Variants in EXOC6B observed in about 807,000 individuals in gnomAD.
EXOC6B encodes SEC15 homolog B.
A neutral mutation model predicts 113.5 loss-of-function variants in EXOC6B; 54 were observed. That is an observed-to-expected ratio of 0.48 (90% CI 0.38 to 0.60). The LOEUF is 0.60. EXOC6B is among the 20% of genes least tolerant of loss of function. The pLI is 0.00. For synonymous variants in EXOC6B, 357 were observed against 339.0 expected (o/e 1.05, Z -0.58); for missense variants, 797 against 977.5 (o/e 0.82, Z 2.46).
chr2:72,597,062 T>C lies in EXOC6B; in HGVS notation c.670-21394A>G, dbSNP rs182229865. Among the ~76,000 whole-genome samples, 28 of 150,082 alleles carry C rather than the reference T, an allele frequency of 1.9e-4. 1 individual carries two copies. Among genetic ancestry groups the C allele is most frequent in the African/African-American group, 6.8e-4 (28 of 41,214 alleles). ...TCCCAAAAAGAAACCCTATATCCAATACCCTTAAGGTTTCTTTCTGGGATA... is the reference window on the plus strand; with the variant it reads ...TCCCAAAAAGAAACCCTATATCCAACACCCTTAAGGTTTCTTTCTGGGATA... On this transcript the variant is annotated intron_variant, in intron 6 of 21. Transcript: ENST00000272427.
At chr2:72,788,774 G>A (rs925982464) in intron 1 of EXOC6B, among the ~76,000 whole-genome samples, 31 of 152,196 alleles carry the variant, frequency 2.0e-4, no homozygotes, top group African/African-American at 7.0e-4. Context: ...ACTCCAGCCT[G>A]GGCAACAGAG....
At chr2:72,424,216 C>T (rs1490297731) in intron 18 of EXOC6B, among the ~76,000 whole-genome samples, 2 of 151,884 alleles carry the variant, frequency 1.3e-5, no homozygotes, top group African/African-American at 4.8e-5. Context: ...TGAAGCCATC[C>T]AGAAGATGTA....
intron 19 of EXOC6B, among the ~76,000 whole-genome samples, chr2:72,345,426 C>A (rs183285326): frequency 1.6e-4 from 25 of 152,142 alleles, no homozygotes; most frequent in Admixed American, 1.4e-3. Context: ...TGGAAGCAAC[C>A]AAGATGTCCT....
chr2:72,229,219 T>C (rs55970539), intron 20 of EXOC6B, among the ~76,000 whole-genome samples: 18,148 of 152,040 alleles, frequency 0.12, 1,347 homozygotes, highest in Admixed American at 0.16. Flanking sequence ...AAGAGAAAAA[T>C]GGTAAAGCAG....
intron 6 of EXOC6B, among the ~76,000 whole-genome samples, chr2:72,676,925 G>A (rs910517667): frequency 1.3e-5 from 2 of 152,098 alleles, no homozygotes; most frequent in African/African-American, 2.4e-5. Flanking sequence ...AAACAAGAAA[G>A]GAATTCTACC....
chr2:72,751,434 T>A (rs750846599), intron 1 of EXOC6B, among the ~76,000 whole-genome samples: 1 of 152,118 alleles, frequency 6.6e-6, no homozygotes, highest in South Asian at 2.1e-4. Flanking sequence ...GGTTTTATCA[T>A]GCAGATGAAG....
chr2:72,406,423 C>T (rs911215454), intron 18 of EXOC6B, among the ~76,000 whole-genome samples: 4 of 152,122 alleles, frequency 2.6e-5, no homozygotes, highest in African/African-American at 4.8e-5. Context: ...CCACACCACA[C>T]CTATTCCAAA....
At chr2:72,257,363 C>T (rs1490695915) in intron 20 of EXOC6B, among the ~76,000 whole-genome samples, 4 of 152,174 alleles carry the variant, frequency 2.6e-5, no homozygotes, top group Non-Finnish European at 4.4e-5. Flanking sequence ...CTCAGATTAA[C>T]CTTTTTCTTC....
intron 6 of EXOC6B, among the ~76,000 whole-genome samples, chr2:72,676,689 T>A (rs1219884805): frequency 3.3e-5 from 5 of 152,170 alleles, no homozygotes; most frequent in Non-Finnish European, 7.3e-5. Flanking sequence ...ATTTGAAATC[T>A]TCAATAAGAT....
chr2:72,508,259 CAAAAATACATATCTTCTTTGGTG>C (rs1700715832), intron 11 of EXOC6B, among the ~76,000 whole-genome samples: 1 of 134,974 alleles, frequency 7.4e-6, no homozygotes, highest in South Asian at 2.3e-4. Context: ...AAATAAGTAA[CAAAAATACATATCTTCTTTGGTG>C]AAAAATACCA....
chr2:72,571,259 A>T (rs1320827520), intron 7 of EXOC6B, among the ~76,000 whole-genome samples: 1 of 152,206 alleles, frequency 6.6e-6, no homozygotes, highest in African/African-American at 2.4e-5. Context: ...ATTAAAAATC[A>T]ATTGAATTGG....
intron 19 of EXOC6B, among the ~76,000 whole-genome samples, chr2:72,344,219 T>C (rs1689185871): frequency 6.6e-6 from 1 of 152,204 alleles, no homozygotes. Context: ...TTTGAATCCA[T>C]TTAGTCCAAT....
At chr2:72,720,585 C>A (rs568879274) in intron 5 of EXOC6B, among the ~76,000 whole-genome samples, 1 of 151,744 alleles carries the variant, frequency 6.6e-6, no homozygotes. Context: ...TCATCTCTAC[C>A]AAAAAAATTA....
In EXOC6B at chr2:72,443,186, G is replaced by A. The variant is rs184980981; in HGVS notation, c.1980+21974C>T. 5.8e-3 allele frequency among the ~76,000 whole-genome samples: 878 copies of A among 151,994 alleles called. 10 individuals are homozygous for A. The highest frequency in any genetic ancestry group is 0.02 in the African/African-American group (838 of 41,480). On this transcript the variant is annotated intron_variant, in intron 18 of 21. Coordinates refer to ENST00000272427, the MANE Select transcript of EXOC6B (RefSeq NM_015189.3). ...CTAAAAATACAAAAATTAGCCAGGC[G>A]TGGTGGCGCACCTGTAGTTCCAGCT...
intron 6 of EXOC6B, among the ~76,000 whole-genome samples, chr2:72,663,921 A>T (rs1675200009): frequency 6.6e-6 from 1 of 152,192 alleles, no homozygotes; most frequent in Admixed American, 6.5e-5. Flanking sequence ...CATGATGTTA[A>T]TAACAGGGGA....
intron 1 of EXOC6B, among the ~76,000 whole-genome samples, chr2:72,799,856 G>A (rs1685186349): frequency 1.3e-5 from 2 of 152,042 alleles, no homozygotes; most frequent in Admixed American, 1.3e-4. Context: ...CTTGAGCTCA[G>A]GGGTTCAAGA....
chr2:72,434,346 G>C (rs1395180913), intron 18 of EXOC6B, among the ~76,000 whole-genome samples: 1 of 152,152 alleles, frequency 6.6e-6, no homozygotes, highest in Admixed American at 6.6e-5. Flanking sequence ...TGTTCATCAA[G>C]GATATTGACC....
chr2:72,207,774 T>C lies in EXOC6B; in HGVS notation c.2197-23587A>G, dbSNP rs555476082. 3.3e-5 allele frequency among the ~76,000 whole-genome samples: 5 copies of C among 152,330 alleles called. No individual in the cohort carries two copies. In the East Asian group the frequency reaches 7.7e-4, roughly 24 times the overall value. ...ATCTCACTAAACAACAAGCTTTAGG[T>C]TTATCATCTCAATGATCCCTTTCTA... On this transcript the variant is annotated intron_variant, in intron 20 of 21. Transcript: ENST00000272427.
chr2:72,207,839 T>A (rs955436099), intron 20 of EXOC6B, among the ~76,000 whole-genome samples: 15 of 152,192 alleles, frequency 9.9e-5, no homozygotes, highest in Non-Finnish European at 2.1e-4. Context: ...TCCTAAATCA[T>A]ATAAATGTAA....
Sources: allele counts gnomAD v4.1 joint callset (sites outside exome capture counted in the v4.1 genomes callset), GRCh38; gene constraint gnomAD v4.1.1; transcripts MANE v1.5; gene names NCBI Gene and HGNC (gene_info 2026-07-23, HGNC 2026-07-21).